Variants in FUT8 observed in about 807,000 individuals in gnomAD.
FUT8 encodes fucosyltransferase 8, also known as alpha-(1,6)-fucosyltransferase.
FUT8 carries 29 observed loss-of-function variants against 71.3 expected under a neutral mutation model. The ratio of observed to expected loss-of-function variants is 0.41; its 90% CI spans 0.30 to 0.55. The LOEUF is 0.55. FUT8 is among the 20% of genes least tolerant of loss of function. The probability of loss-of-function intolerance (pLI) is 0.34; values close to 1 mark genes in which losing one functional copy is unlikely to be tolerated. For missense variants in FUT8, 544 were observed against 702.1 expected, an observed-to-expected ratio of 0.77 and a Z score of 2.55; for synonymous variants, 254 against 239.3, an observed-to-expected ratio of 1.06 and a Z score of -0.57.
intron 2 of FUT8, among the ~76,000 whole-genome samples, chr14:65,536,505 C>T (rs1884321283): frequency 6.6e-6 from 1 of 152,142 alleles, no homozygotes; most frequent in South Asian, 2.1e-4. Flanking sequence ...TTCTCCTTCA[C>T]TTATGAAGTT....
intron 2 of FUT8, among the ~76,000 whole-genome samples, chr14:65,500,399 T>C (rs573427569): frequency 6.6e-6 from 1 of 152,158 alleles, no homozygotes; most frequent in African/African-American, 2.4e-5. Flanking sequence ...ATATCCTGGA[T>C]CATTCTCTTG....
chr14:65,473,289 C>G (rs2066177237), intron 2 of FUT8, among the ~76,000 whole-genome samples: 1 of 152,022 alleles, frequency 6.6e-6, no homozygotes, highest in Non-Finnish European at 1.5e-5. Flanking sequence ...CATGTTTGTA[C>G]CATATCTTTG....
At chr14:65,530,945 C>T (rs1187555014) in intron 2 of FUT8, among the ~76,000 whole-genome samples, 1 of 144,676 alleles carries the variant, frequency 6.9e-6, no homozygotes. Flanking sequence ...GAATATAAGA[C>T]CAATTTTTTT....
chr14:65,414,844 G>A (rs759189851), intron 1 of FUT8, among the ~76,000 whole-genome samples: 22 of 152,284 alleles, frequency 1.4e-4, no homozygotes, highest in South Asian at 6.2e-4. Context: ...GAGTTAACTT[G>A]AAGAGTGTCT....
At chr14:65,513,647 A>AAACAG (rs1382701517) in intron 2 of FUT8, among the ~76,000 whole-genome samples, 1 of 82,654 alleles carries the variant, frequency 1.2e-5, no homozygotes, top group African/African-American at 4.6e-5. Context: ...ACAAAATCAA[A>AAACAG]AACAAAACAA....
Position 65,467,799 on chromosome 14 carries a change from A to T in FUT8, c.-228+12081A>T, listed in dbSNP as rs1290089828. The T allele has an allele frequency of 3.0e-5, 22 of 722,448 alleles. No homozygotes were observed. The highest frequency in any genetic ancestry group is 5.4e-5 in the Non-Finnish European group (21 of 385,390). 44.8% of individuals were successfully genotyped at this position (722,448 alleles called of 1,614,324 possible). ...AGTCTAGAGGTCTTTTATTTTTTTT[A>T]ACACCTGTTATGCTATGAATTCACA... is the stretch of plus-strand genomic sequence containing the variant. On this transcript the variant is annotated intron_variant, in intron 2 of 10. Transcript: ENST00000673929. The surrounding 1 kb of genome is among the most constrained non-coding windows in gnomAD (Gnocchi z 4.1).
At chr14:65,575,786 A>G (rs1315323371) in intron 3 of FUT8, among the ~76,000 whole-genome samples, 1 of 151,916 alleles carries the variant, frequency 6.6e-6, no homozygotes, top group Non-Finnish European at 1.5e-5. Context: ...GGCCTGGCTA[A>G]TTTTTGTATT....
Position 65,643,039 on chromosome 14 carries a change from A to G in FUT8, c.597+13433A>G, listed in dbSNP as rs1438518851. ...AAATAGTACAGTTTACTATTAGGATAACTTACAGTAAGCCACAAATTAATT... is the reference window on the plus strand; with the variant it reads ...AAATAGTACAGTTTACTATTAGGATGACTTACAGTAAGCCACAAATTAATT... On this transcript the variant is annotated intron_variant, in intron 6 of 10. Coordinates refer to ENST00000673929, the MANE Select transcript of FUT8 (RefSeq NM_001371533.1). The surrounding 1 kb of genome is among the most constrained non-coding windows in gnomAD (Gnocchi z 4.5). 2.0e-5 allele frequency among the ~76,000 whole-genome samples: 3 copies of G among 152,200 alleles called. No individual in the cohort carries two copies. The highest frequency in any genetic ancestry group is 7.2e-5 in the African/African-American group (3 of 41,450).
At chr14:65,714,571 C>T (rs1056248234) in intron 7 of FUT8, among the ~76,000 whole-genome samples, 2 of 152,022 alleles carry the variant, frequency 1.3e-5, no homozygotes, top group East Asian at 1.9e-4. Flanking sequence ...GCATAAGCCA[C>T]CACATCCCCA....
intron 2 of FUT8, among the ~76,000 whole-genome samples, chr14:65,459,245 G>T (rs112243342): frequency 6.6e-6 from 1 of 151,842 alleles, no homozygotes; most frequent in African/African-American, 2.4e-5. Flanking sequence ...AGGATTTTAG[G>T]GTATTTAGAT....
chr14:65,577,605 C>T (rs1420735075), intron 3 of FUT8, among the ~76,000 whole-genome samples: 3 of 151,792 alleles, frequency 2.0e-5, no homozygotes, highest in Non-Finnish European at 4.4e-5. Flanking sequence ...TTATAGAACT[C>T]AGAATATGTT....
chr14:65,419,284 AC>A (rs1284059467), intron 1 of FUT8, among the ~76,000 whole-genome samples: 2 of 152,182 alleles, frequency 1.3e-5, no homozygotes, highest in African/African-American at 2.4e-5. Flanking sequence ...AAACAAAAAA[AC>A]AAAAACAAAT....
chr14:65,660,692 T>C lies in FUT8; in HGVS notation c.598-8551T>C, dbSNP rs889735259. On this transcript the variant is annotated intron_variant, in intron 6 of 10. Coordinates refer to ENST00000673929, the MANE Select transcript of FUT8 (RefSeq NM_001371533.1). The surrounding 1 kb of genome is among the most constrained non-coding windows in gnomAD (Gnocchi z 4.1). Reference sequence around the variant, plus strand: ...GGATGCCTTAGTACAGTCTTAACTTTGCTATGGAAATATTCTTGTTTAATA... The same window carrying C: ...GGATGCCTTAGTACAGTCTTAACTTCGCTATGGAAATATTCTTGTTTAATA... Among the ~76,000 whole-genome samples, 6 of 152,202 alleles carry C rather than the reference T, an allele frequency of 3.9e-5. No homozygotes were observed. Among genetic ancestry groups the C allele is most frequent in the African/African-American group, 1.4e-4 (6 of 41,456 alleles).
At chr14:65,536,244 C>T (rs1224376917) in intron 2 of FUT8, among the ~76,000 whole-genome samples, 1 of 152,194 alleles carries the variant, frequency 6.6e-6, no homozygotes, top group South Asian at 2.1e-4. Context: ...GCATTTAGAC[C>T]ATTTACATTC....
chr14:65,455,684 T>C lies in FUT8; in HGVS notation c.-262T>C. The C allele has an allele frequency of 2.5e-6, 1 of 398,356 alleles. No individual in the cohort carries two copies. The highest frequency in any genetic ancestry group is 3.6e-5 in the East Asian group (1 of 27,998). The allele number at this position is 398,356 out of a possible 1,614,324, so 24.7% of individuals were successfully genotyped here. On this transcript the variant is annotated 5_prime_UTR_variant, in exon 2 of 11. Coordinates refer to ENST00000673929, the MANE Select transcript of FUT8 (RefSeq NM_001371533.1). Reference sequence around the variant, plus strand: ...GGTCTTTTTGTTCAAGATAAAGTGATTTTTTGCCTTTGTTGATTAACTGGA... The same window carrying C: ...GGTCTTTTTGTTCAAGATAAAGTGACTTTTTGCCTTTGTTGATTAACTGGA...
At chr14:65,628,645 T>C (rs2140259498) in intron 5 of FUT8, among the ~76,000 whole-genome samples, 1 of 152,378 alleles carries the variant, frequency 6.6e-6, no homozygotes, top group South Asian at 2.1e-4. Flanking sequence ...TTTAATGCAA[T>C]ATAAATAAAA....
At chr14:65,687,427 TG>T (rs1361456620) in intron 7 of FUT8, among the ~76,000 whole-genome samples, 2 of 152,212 alleles carry the variant, frequency 1.3e-5, no homozygotes, top group Non-Finnish European at 2.9e-5. Context: ...ATTGTCATTT[TG>T]GTGATGCCAA....
At chr14:65,523,698 T>A (rs571812842) in intron 2 of FUT8, among the ~76,000 whole-genome samples, 2 of 152,384 alleles carry the variant, frequency 1.3e-5, no homozygotes, top group South Asian at 4.1e-4. Context: ...GGAGTTTTTA[T>A]GGTTTTAGGT....
chr14:65,600,269 G>A (rs528895095), intron 3 of FUT8, among the ~76,000 whole-genome samples: 28 of 152,210 alleles, frequency 1.8e-4, no homozygotes, highest in African/African-American at 4.8e-4. Context: ...ACTTTAGCTG[G>A]TTATATGACA....
Sources: allele counts gnomAD v4.1 joint callset (sites outside exome capture counted in the v4.1 genomes callset), GRCh38; gene constraint gnomAD v4.1.1; non-coding constraint Gnocchi (gnomAD v3.1); transcripts MANE v1.5; gene names NCBI Gene and HGNC (gene_info 2026-07-23, HGNC 2026-07-21).